Variants in OCSTAMP observed in about 807,000 individuals in gnomAD.
OCSTAMP encodes the protein osteoclast stimulatory transmembrane protein, also known as transmembrane protein C20orf123.
A neutral mutation model predicts 25.2 loss-of-function variants in OCSTAMP; 17 were observed. The ratio of observed to expected loss-of-function variants is 0.68; its 90% CI spans 0.46 to 1.01. The LOEUF (loss-of-function observed/expected upper bound fraction) is 1.01. OCSTAMP is among the 50% of genes least tolerant of loss of function. The pLI, the probability that OCSTAMP is intolerant of heterozygous loss-of-function variation, is 0.00. For missense variants in OCSTAMP, 664 were observed against 694.6 expected (o/e 0.96, Z 0.50); for synonymous variants, 345 against 318.9 (o/e 1.08, Z -0.87).
intron 1 of OCSTAMP, 125 bp downstream of exon 1, chr20:46,550,392 G>A: frequency 2.7e-6 from 2 of 743,948 alleles, no homozygotes; most frequent in South Asian, 1.8e-5. Flanking sequence ...AGAGAACTGA[G>A]GATTTGCCTA....
rs2061834867 is a variant in OCSTAMP at position 46,541,694 on chromosome 20, A to G, written c.1281T>C (p.His427=). ...CTGTGAAGAAGGAAGCGGCGATGGC[A>G]TGCCGCAGGCGGCGGGCGTAGGCCT... ...LLEAYARRLR[H]AIAASFFTAQ... Residue 427 remains histidine (H), a synonymous_variant, in exon 3 of 3, where the codon CAT becomes CAC. Coordinates refer to ENST00000279028, the MANE Select transcript of OCSTAMP (RefSeq NM_080721.3). 1 of 1,549,770 alleles carries G rather than the reference A, an allele frequency of 6.5e-7. No homozygotes were observed. Among genetic ancestry groups the G allele is most frequent in the Non-Finnish European group, 8.7e-7 (1 of 1,146,862 alleles).
At chr20:46,546,818 T>A (rs6066018) in intron 1 of OCSTAMP, among the ~76,000 whole-genome samples, 19,725 of 152,020 alleles carry the variant, frequency 0.13, 1,666 homozygotes, top group Middle Eastern at 0.28. Flanking sequence ...AATTTAGGGG[T>A]GAGGAGGGTG....
At chr20:46,548,231 A>G (rs1242865516) in intron 1 of OCSTAMP, among the ~76,000 whole-genome samples, 1 of 152,142 alleles carries the variant, frequency 6.6e-6, no homozygotes, top group African/African-American at 2.4e-5. Context: ...TCATCTGTAA[A>G]ATGGTGCAAT....
chr20:46,550,483 T>C, intron 1 of OCSTAMP, 34 bp downstream of exon 1: 1 of 1,544,798 alleles, frequency 6.5e-7, no homozygotes, highest in Non-Finnish European at 8.8e-7. Flanking sequence ...TTTTCTCACC[T>C]GTAGCCCTCA....
intron 1 of OCSTAMP, among the ~76,000 whole-genome samples, chr20:46,547,420 G>T (rs1335268995): frequency 6.6e-6 from 1 of 152,152 alleles, no homozygotes; most frequent in Non-Finnish European, 1.5e-5. Context: ...TGTGTCACTG[G>T]GGAGGAAAGA....
rs1052048061 is a variant in OCSTAMP, at chr20:46,545,800, T to G, written c.574A>C (p.Asn192His). ...ATGTGAAGGTAGAAGGCAGAGCCATTGTCCTGGGCCTCAAATGTCAGGCCC... is the reference window on the plus strand; with the variant it reads ...ATGTGAAGGTAGAAGGCAGAGCCATGGTCCTGGGCCTCAAATGTCAGGCCC... ...SRGLTFEAQD[N>H]GSAFYLHMLR... Residue 192 changes from asparagine (N) to histidine (H), a missense_variant, in exon 2 of 3, where the codon AAT becomes CAT. By Grantham distance (68) the Asn-to-His change is moderately conservative. Transcript: ENST00000279028. The G allele has an allele frequency of 6.4e-7, 1 of 1,551,364 alleles. No homozygotes were observed. Among genetic ancestry groups the G allele is most frequent in the Admixed American group, 2.0e-5 (1 of 51,010 alleles).
At chr20:46,548,554 AGTGGGAGAACAAACGAACTGGG>A (rs2061860462) in intron 1 of OCSTAMP, among the ~76,000 whole-genome samples, 1 of 152,230 alleles carries the variant, frequency 6.6e-6, no homozygotes, top group Non-Finnish European at 1.5e-5. Context: ...TGCCCAGGAA[AGTGGGAGAACAAACGAACTGGG>A]GCAATAACAT....
intron 1 of OCSTAMP, among the ~76,000 whole-genome samples, 163 bp from the exon 2 acceptor site, chr20:46,546,492 G>A (rs2061853708): frequency 6.6e-6 from 1 of 152,188 alleles, no homozygotes; most frequent in Admixed American, 6.5e-5. Flanking sequence ...ATACCCACGT[G>A]ACACAAGCTG....
Position 46,546,042 on chromosome 20 carries a change from G to A in OCSTAMP, c.332C>T (p.Pro111Leu), listed in dbSNP as rs1230818308. The A allele has an allele frequency of 5.2e-6, 8 of 1,551,430 alleles. No homozygotes were observed. Among genetic ancestry groups the A allele is most frequent in the Middle Eastern group, 3.3e-4 (2 of 5,978 alleles). ...PVRCLFALSV[P>L]TLGMEQGRRL... is the part of the protein sequence containing the mutation. ...GCGGCCCTGCTCCATACCCAGGGTGGGCACGCTGAGTGCAAACAGGCAGCG... is the reference window on the plus strand; with the variant it reads ...GCGGCCCTGCTCCATACCCAGGGTGAGCACGCTGAGTGCAAACAGGCAGCG... The change falls in exon 2 of 3, where the codon CCC becomes CTC. Residue 111 changes from proline to leucine, a missense_variant. Coordinates refer to ENST00000279028, the MANE Select transcript of OCSTAMP (RefSeq NM_080721.3).
At position 46,541,502 on chromosome 20, in the gene OCSTAMP, G is replaced by T. The variant is rs1457201747; in HGVS notation, c.1473C>A (p.Thr491=). 6.4e-7 allele frequency: 1 copy of T among 1,551,708 alleles called. No individual in the cohort carries two copies. The highest frequency in any genetic ancestry group is 8.7e-7 in the Non-Finnish European group (1 of 1,146,982). ...WIDYRLDALR[T]ESSEGEGKEL... ...CTTTCCCTTCTCCCTCACTGCTCTC[G>T]GTTCTTAAGGCATCCAGCCTGTAGT... is the stretch of plus-strand genomic sequence containing the variant. The change falls in exon 3 of 3, where the codon ACC becomes ACA. Residue 491 remains threonine (T), a synonymous_variant. Transcript: ENST00000279028.
At chr20:46,543,430 G>A (rs747632280) in intron 2 of OCSTAMP, among the ~76,000 whole-genome samples, 9 of 150,388 alleles carry the variant, frequency 6.0e-5, no homozygotes, top group Non-Finnish European at 1.2e-4. Flanking sequence ...CCAGGTTCAA[G>A]CGATTATCTC....
Position 46,541,146 on chromosome 20 carries a change from T to A in OCSTAMP, c.*128A>T. The A allele has an allele frequency of 1.6e-6, 1 of 613,184 alleles. No homozygotes were observed. The highest frequency in any genetic ancestry group is 3.0e-6 in the Non-Finnish European group (1 of 335,990). 38.0% of individuals were successfully genotyped at this position (613,184 alleles called of 1,614,324 possible). A position where few individuals can be genotyped will look rare whatever the true frequency, so the allele number is the denominator to read the frequency against. On this transcript the variant is annotated 3_prime_UTR_variant, in exon 3 of 3. Coordinates refer to ENST00000279028, the MANE Select transcript of OCSTAMP (RefSeq NM_080721.3). The stretch of plus-strand genomic sequence containing the variant: ...CAGGAGCATTTCGAGAAATTCATGA[T>A]GCAAGGTCTCCATCTAACAAGTAGA...
intron 1 of OCSTAMP, among the ~76,000 whole-genome samples, chr20:46,547,033 T>C (rs1601103966): frequency 6.6e-6 from 1 of 152,268 alleles, no homozygotes; most frequent in South Asian, 2.1e-4. Context: ...GAACACATTT[T>C]GTTGGCAGAG....
At chr20:46,550,379 C>T (rs1159308686) in intron 1 of OCSTAMP, 138 bp downstream of exon 1, 15 of 665,932 alleles carry the variant, frequency 2.3e-5, no homozygotes, top group East Asian at 1.4e-4. Flanking sequence ...AACTGAGGCT[C>T]ACAGAGAACT....
chr20:46,546,640 G>A (rs2061854086), intron 1 of OCSTAMP, among the ~76,000 whole-genome samples: 1 of 152,162 alleles, frequency 6.6e-6, no homozygotes, highest in Non-Finnish European at 1.5e-5. Context: ...GAAGGCAACT[G>A]GCCCAAGAGA....
rs1398696194 is a variant in OCSTAMP at position 46,541,762 on chromosome 20, C to G, written c.1213G>C (p.Ala405Pro). The change falls in exon 3 of 3, where the codon GCG (alanine) becomes CCG (proline). Residue 405 changes from alanine (A) to proline (P), a missense_variant. Ala to Pro is a conservative substitution (Grantham distance 27, BLOSUM62 -1). Coordinates refer to ENST00000279028, the MANE Select transcript of OCSTAMP (RefSeq NM_080721.3). ...CCCGCCAGGAGCTGCAGGGCCCCCG[C>G]GGCCAGCGGGGCAGCTGCGCGGGGA... The part of the protein sequence containing the change: ...RRPRAAAPLA[A>P]GALQLLAGST... The G allele has an allele frequency of 2.0e-6, 3 of 1,534,060 alleles. No homozygotes were observed. The highest frequency in any genetic ancestry group is 2.8e-5 in the African/African-American group (2 of 72,414).
rs1601100400 is a variant in OCSTAMP, at chr20:46,541,404, G to C, written c.1571C>G (p.Ser524Ter). 1.7e-6 allele frequency: 2 copies of C among 1,195,032 alleles called. No homozygotes were observed. The highest frequency in any genetic ancestry group is 2.5e-5 in the East Asian group (1 of 39,292). 74.0% of individuals were successfully genotyped at this position (1,195,032 alleles called of 1,614,324 possible). A position where few individuals can be genotyped will look rare whatever the true frequency, so the allele number is the denominator to read the frequency against. ...VPPPCVTLGK[S>*]LHLSEPRFLH... ...AAACCGAGGCTCAGAGAGGTGAAGT[G>C]ACTTACCCAAGGTCACACAGGGAGG... Residue 524 changes from serine to a stop codon, truncating the protein, a stop_gained, in exon 3 of 3, where the codon TCA (serine) becomes TGA (stop). Coordinates refer to ENST00000279028, the MANE Select transcript of OCSTAMP (RefSeq NM_080721.3). LOFTEE classifies it low-confidence loss of function (END_TRUNC).
Position 46,541,769 on chromosome 20 carries a change from CG to C in OCSTAMP, c.1205del (p.Pro402ArgfsTer62). On this transcript the variant is annotated frameshift_variant, in exon 3 of 3. Coordinates refer to ENST00000279028, the MANE Select transcript of OCSTAMP (RefSeq NM_080721.3). LOFTEE classifies it low-confidence loss of function (END_TRUNC). Reference sequence around the variant, plus strand: ...GGAGCTGCAGGGCCCCCGCGGCCAGCGGGGCAGCTGCGCGGGGACGCCGGGC... The same window carrying C: ...GGAGCTGCAGGGCCCCCGCGGCCAGCGGGCAGCTGCGCGGGGACGCCGGGC... ...LPARRPRAAAPLAAGALQLLA... is the reference protein window; with the variant it reads ...LPARRPRAAAXLAAGALQLLA... 1.3e-6 allele frequency: 2 copies of C among 1,527,796 alleles called. No homozygotes were observed. The highest frequency in any genetic ancestry group is 1.8e-6 in the Non-Finnish European group (2 of 1,137,810). The allele number at this position is 1,527,796 out of a possible 1,614,324, so 94.6% of individuals were successfully genotyped here. A position where few individuals can be genotyped will look rare whatever the true frequency, so the allele number is the denominator to read the frequency against.
In OCSTAMP at chr20:46,541,053, T is replaced by C; in HGVS notation, c.*221A>G. On this transcript the variant is annotated 3_prime_UTR_variant, in exon 3 of 3. Transcript: ENST00000279028. ...ATCTAAGATTTAATAAATACGTTTATTTATAAAATTAAAACTATGGGTTAC... is the reference window on the plus strand; with the variant it reads ...ATCTAAGATTTAATAAATACGTTTACTTATAAAATTAAAACTATGGGTTAC... 1 of 491,288 alleles carries C rather than the reference T, an allele frequency of 2.0e-6. No individual in the cohort carries two copies. Among genetic ancestry groups the C allele is most frequent in the Non-Finnish European group, 3.6e-6 (1 of 277,502 alleles). 30.4% of individuals were successfully genotyped at this position (491,288 alleles called of 1,614,324 possible). A position where few individuals can be genotyped will look rare whatever the true frequency, so the allele number is the denominator to read the frequency against.
Sources: gnomAD v4.1 joint callset for allele counts (sites outside exome capture counted in the v4.1 genomes callset) on GRCh38, gnomAD v4.1.1 for gene constraint, MANE v1.5 for transcripts, NCBI Gene and HGNC (gene_info 2026-07-23, HGNC 2026-07-21) for gene names.